APBB2: variants seen among roughly 807,000 people sequenced by gnomAD.
APBB2 encodes amyloid beta precursor protein binding family B member 2, also known as Fe65-like 1.
APBB2 carries 38 observed loss-of-function variants against 82.5 expected under a neutral mutation model. The ratio of observed to expected loss-of-function variants is 0.46; its 90% CI spans 0.36 to 0.60. The LOEUF is 0.60. Among genes scored for constraint, APBB2 ranks in the 20% least tolerant of loss-of-function variants. The pLI is 0.00. For missense variants in APBB2, 772 were observed against 972.3 expected, an observed-to-expected ratio of 0.79 and a Z score of 2.74; for synonymous variants, 341 against 368.2, an observed-to-expected ratio of 0.93 and a Z score of 0.85.
At chr4:41,041,247 A>T (rs1280285809) in intron 4 of APBB2, among the ~76,000 whole-genome samples, 2 of 152,190 alleles carry the variant, frequency 1.3e-5, no homozygotes, top group Non-Finnish European at 2.9e-5. Flanking sequence ...AAAATTCAAT[A>T]ACAGTCAACT....
At chr4:41,133,657 T>G (rs960431082) in intron 2 of APBB2, among the ~76,000 whole-genome samples, 2 of 152,188 alleles carry the variant, frequency 1.3e-5, no homozygotes, top group African/African-American at 4.8e-5. Context: ...TACTAGGTAC[T>G]TAACTAAGAA....
At chr4:41,200,826 C>A (rs7696911) in intron 1 of APBB2, among the ~76,000 whole-genome samples, 29,678 of 152,082 alleles carry the variant, frequency 0.2, 3,883 homozygotes, top group African/African-American at 0.37. Context: ...CCCAGTGTTA[C>A]AATCTAGTAG....
At chr4:40,900,454 G>GTTTTTT (rs71648936) in intron 10 of APBB2, among the ~76,000 whole-genome samples, 1 of 132,746 alleles carries the variant, frequency 7.5e-6, no homozygotes, top group African/African-American at 2.8e-5. Flanking sequence ...ACGGAAGGAG[G>GTTTTTT]TTTTTTTTTT....
chr4:40,976,049 T>C (rs2154400772), intron 6 of APBB2, among the ~76,000 whole-genome samples: 1 of 152,292 alleles, frequency 6.6e-6, no homozygotes, highest in Non-Finnish European at 1.5e-5. Flanking sequence ...TCCTTCTTTC[T>C]GGCCAAAAAT....
At chr4:40,999,604 G>A (rs1272676778) in intron 6 of APBB2, among the ~76,000 whole-genome samples, 2 of 152,198 alleles carry the variant, frequency 1.3e-5, no homozygotes, top group African/African-American at 2.4e-5. Flanking sequence ...AATATCACCT[G>A]AGAGTTTATT....
intron 2 of APBB2, among the ~76,000 whole-genome samples, chr4:41,101,324 C>A (rs907279482): frequency 3.3e-5 from 5 of 150,310 alleles, no homozygotes; most frequent in Admixed American, 6.6e-5. Context: ...ATTAGCCGGG[C>A]GCGGTGGCGG....
Position 40,823,716 on chromosome 4 carries a change from T to C in APBB2, c.1860A>G (p.Ser620=). The C allele has an allele frequency of 6.2e-7, 1 of 1,613,946 alleles. No homozygotes were observed. The highest frequency in any genetic ancestry group is 8.5e-7 in the Non-Finnish European group (1 of 1,179,986). The change falls in exon 16 of 18, where the codon TCA becomes TCG. Residue 620 remains serine, a synonymous_variant. Coordinates refer to ENST00000508593, the MANE Select transcript of APBB2 (RefSeq NM_004307.2). Reference sequence around the variant, plus strand: ...CTGACAGCCAGTCCTCCTTGTTGGATGAGGTCATAAGATTTTCTATGGCAC... The same window carrying C: ...CTGACAGCCAGTCCTCCTTGTTGGACGAGGTCATAAGATTTTCTATGGCAC... ...LNSAIENLMT[S]SNKEDWLSVN... is the part of the protein sequence containing the mutation.
chr4:41,024,466 A>C (rs1713116870), intron 5 of APBB2, among the ~76,000 whole-genome samples: 1 of 152,244 alleles, frequency 6.6e-6, no homozygotes, highest in Non-Finnish European at 1.5e-5. Context: ...TGAGGGAGGA[A>C]ATTGAAGAAC....
At chr4:40,817,593 G>A (rs949259129) in intron 17 of APBB2, among the ~76,000 whole-genome samples, 7 of 152,056 alleles carry the variant, frequency 4.6e-5, no homozygotes, top group Admixed American at 6.5e-5. Context: ...ACCTGAATAT[G>A]TAGGATTTTG....
At chr4:41,170,016 T>C (rs1253249418) in intron 1 of APBB2, among the ~76,000 whole-genome samples, 3 of 152,148 alleles carry the variant, frequency 2.0e-5, no homozygotes, top group Admixed American at 6.5e-5. Flanking sequence ...CCGCATATAA[T>C]AGTTGGAGTG....
At chr4:41,138,756 AAAT>A (rs1163086460) in intron 2 of APBB2, among the ~76,000 whole-genome samples, 1 of 152,192 alleles carries the variant, frequency 6.6e-6, no homozygotes. Context: ...CTGCAAAAAT[AAAT>A]AATAATAACA....
intron 1 of APBB2, among the ~76,000 whole-genome samples, chr4:41,214,135 C>T (rs988063235): frequency 1.3e-5 from 2 of 152,200 alleles, no homozygotes; most frequent in African/African-American, 4.8e-5. Context: ...CCCGCAGTCG[C>T]CGTGCCACTG....
In APBB2 at chr4:41,036,261, G is replaced by C. The variant is rs138721258; in HGVS notation, c.-50-2957C>G. 5.0e-3 allele frequency among the ~76,000 whole-genome samples: 767 copies of C among 152,228 alleles called. 8 individuals carry two copies. Among genetic ancestry groups the C allele is most frequent in the African/African-American group, 0.017 (713 of 41,536 alleles). On this transcript the variant is annotated intron_variant, in intron 4 of 17. Transcript: ENST00000508593. Reference sequence around the variant, plus strand: ...AGGGGCTTGAGCACCCCCAGATTTTGGTATCTGAAGGGAGTCTTGGAACCA... The same window carrying C: ...AGGGGCTTGAGCACCCCCAGATTTTCGTATCTGAAGGGAGTCTTGGAACCA...
intron 10 of APBB2, among the ~76,000 whole-genome samples, chr4:40,907,868 C>T (rs1179622062): frequency 1.3e-5 from 2 of 151,476 alleles, no homozygotes; most frequent in East Asian, 3.9e-4. Flanking sequence ...GGAGTTTCAC[C>T]ATGTTGCCCA....
At chr4:40,958,117 T>C (rs575813256) in intron 6 of APBB2, among the ~76,000 whole-genome samples, 1 of 152,316 alleles carries the variant, frequency 6.6e-6, no homozygotes, top group Non-Finnish European at 1.5e-5. Flanking sequence ...CATCCATCCA[T>C]AAACTTATAT....
intron 6 of APBB2, among the ~76,000 whole-genome samples, chr4:40,992,963 A>G (rs1460958698): frequency 6.6e-6 from 1 of 152,164 alleles, no homozygotes; most frequent in African/African-American, 2.4e-5. Flanking sequence ...TGTGTACACA[A>G]TCGTAGTCCC....
intron 5 of APBB2, among the ~76,000 whole-genome samples, chr4:41,021,043 C>T (rs1299171221): frequency 2.6e-5 from 4 of 152,220 alleles, no homozygotes; most frequent in Non-Finnish European, 5.9e-5. Context: ...CCCATGACAG[C>T]CATCTTGCTA....
chr4:41,142,140 A>T (rs1375865468), intron 2 of APBB2, among the ~76,000 whole-genome samples: 1 of 150,800 alleles, frequency 6.6e-6, no homozygotes, highest in Non-Finnish European at 1.5e-5. Context: ...ACTACTTCAC[A>T]GATTCTGAAA....
chr4:41,212,152 G>T (rs1779483174), intron 1 of APBB2, among the ~76,000 whole-genome samples: 1 of 152,160 alleles, frequency 6.6e-6, no homozygotes, highest in African/African-American at 2.4e-5. Flanking sequence ...TGTTTTTCTG[G>T]TGGCAGGAAA....
Sources: allele counts gnomAD v4.1 joint callset (sites outside exome capture counted in the v4.1 genomes callset), GRCh38; gene constraint gnomAD v4.1.1; transcripts MANE v1.5; gene names NCBI Gene and HGNC (gene_info 2026-07-23, HGNC 2026-07-21).